POMK: variants seen among roughly 807,000 people sequenced by gnomAD.
POMK encodes the protein protein O-mannose kinase, also known as Sugen kinase 196.
Under a neutral mutation model 23.0 loss-of-function variants are expected in POMK, and 19 were observed. That is an observed-to-expected ratio of 0.83 (90% CI 0.58 to 1.21). The LOEUF (loss-of-function observed/expected upper bound fraction) is 1.21. POMK is among the 50% of genes most tolerant of loss of function. POMK has a pLI of 0.00. For synonymous variants in POMK, 173 were observed against 171.6 expected, an observed-to-expected ratio of 1.01 and a Z score of -0.06; for missense variants, 410 against 431.3, an observed-to-expected ratio of 0.95 and a Z score of 0.44.
chr8:43,112,190 A>G (rs1169218044), intron 4 of POMK, among the ~76,000 whole-genome samples: 2 of 152,212 alleles, frequency 1.3e-5, no homozygotes, highest in African/African-American at 4.8e-5. Context: ...ACGAATGGCT[A>G]ACTAGAATAA....
At chr8:43,116,758 CT>C (rs1811806923) in intron 4 of POMK, among the ~76,000 whole-genome samples, 2 of 152,182 alleles carry the variant, frequency 1.3e-5, no homozygotes, top group African/African-American at 4.8e-5. Context: ...GTTAACTGTA[CT>C]TTATATAAGT....
rs370821504 is a variant in POMK, at chr8:43,123,057, A to AT, written c.*193dup. The stretch of plus-strand genomic sequence containing the variant: ...GTATGTAGTCCACATTGGTTGTTAG[A>AT]TTTTTTTTTTTTTCTTTGAGATGCG... On this transcript the variant is annotated 3_prime_UTR_variant, in exon 5 of 5. Coordinates refer to ENST00000331373, the MANE Select transcript of POMK (RefSeq NM_032237.5). The AT allele has an allele frequency of 0.095, 42,262 of 442,700 alleles. No homozygotes were observed. Among genetic ancestry groups the AT allele is most frequent in the South Asian group, 0.13 (4,137 of 30,748 alleles). 27.4% of individuals were successfully genotyped at this position (442,700 alleles called of 1,614,324 possible). A position where few individuals can be genotyped will look rare whatever the true frequency, so the allele number is the denominator to read the frequency against.
intron 2 of POMK, among the ~76,000 whole-genome samples, chr8:43,098,738 A>G (rs1375050497): frequency 6.6e-6 from 1 of 152,072 alleles, no homozygotes; most frequent in African/African-American, 2.4e-5. Context: ...ATGTTTGAGG[A>G]TTTCAGTTTT....
chr8:43,094,144 A>C (rs1223692851), intron 1 of POMK, among the ~76,000 whole-genome samples: 1 of 152,066 alleles, frequency 6.6e-6, no homozygotes, highest in South Asian at 2.1e-4. Flanking sequence ...CCCAGGCTGG[A>C]GTGTAGTGGC....
intron 1 of POMK, among the ~76,000 whole-genome samples, chr8:43,094,307 G>A (rs977481766): frequency 5.9e-5 from 9 of 151,298 alleles, no homozygotes; most frequent in African/African-American, 2.2e-4. Flanking sequence ...AAAGTGCTGG[G>A]ATTACAGGCG....
intron 4 of POMK, among the ~76,000 whole-genome samples, chr8:43,106,326 T>C (rs774161140): frequency 4.6e-5 from 7 of 152,104 alleles, no homozygotes; most frequent in Non-Finnish European, 8.8e-5. Flanking sequence ...CATTTGCCCA[T>C]TTTTTGATCA....
intron 2 of POMK, among the ~76,000 whole-genome samples, chr8:43,099,257 C>G (rs958067878): frequency 2.6e-5 from 4 of 152,192 alleles, no homozygotes; most frequent in African/African-American, 7.2e-5. Context: ...TGACCCTTTG[C>G]ACATTTTTAA....
In POMK at chr8:43,101,435, AAAGG is replaced by A. The variant is rs1357919107; in HGVS notation, c.-117-1066_-117-1063del. On this transcript the variant is annotated intron_variant, in intron 2 of 4. Transcript: ENST00000331373. ...CCTATGTCAAAAAAAAAAAAAAAAA[AAAGG>A]AAGAAAATCATAGAATTTTGGAGAT... 1.1e-4 allele frequency among the ~76,000 whole-genome samples: 17 copies of A among 151,498 alleles called. No homozygotes were observed. The East Asian group carries it at 1.4e-3, about 12-fold the overall frequency.
chr8:43,106,753 C>G (rs1811552367), intron 4 of POMK, among the ~76,000 whole-genome samples: 1 of 152,188 alleles, frequency 6.6e-6, no homozygotes, highest in African/African-American at 2.4e-5. Flanking sequence ...CCCTCCTCGA[C>G]CTCCCAAAAT....
At chr8:43,108,940 G>T (rs926161583) in intron 4 of POMK, among the ~76,000 whole-genome samples, 1 of 152,212 alleles carries the variant, frequency 6.6e-6, no homozygotes, top group African/African-American at 2.4e-5. Flanking sequence ...TATCAGAATT[G>T]TAGGAATTTT....
intron 4 of POMK, among the ~76,000 whole-genome samples, chr8:43,113,906 C>T (rs1323412215): frequency 6.6e-6 from 1 of 152,362 alleles, no homozygotes; most frequent in South Asian, 2.1e-4. Flanking sequence ...GTACCAGCAG[C>T]GGTGGCTGCA....
In POMK at chr8:43,103,711, T is replaced by C; in HGVS notation, c.163T>C (p.Cys55Arg). The C allele has an allele frequency of 6.2e-7, 1 of 1,614,162 alleles. No homozygotes were observed. The change falls in exon 4 of 5, where the codon TGT (cysteine) becomes CGT (arginine). Residue 55 changes from cysteine to arginine, a missense_variant. Physicochemically the swap from Cys to Arg is radical, Grantham distance 180 (BLOSUM62 -3). Coordinates refer to ENST00000331373, the MANE Select transcript of POMK (RefSeq NM_032237.5). ...ACAATCCACTGTGGACCCCACACAC[T>C]GTCCCTATGGTCACTTCAGGATAGG... The part of the protein sequence containing the change: ...PRQSTVDPTH[C>R]PYGHFRIGQM...
At chr8:43,106,147 C>T (rs1050534926) in intron 4 of POMK, among the ~76,000 whole-genome samples, 1 of 152,170 alleles carries the variant, frequency 6.6e-6, no homozygotes, top group African/African-American at 2.4e-5. Context: ...TGCATCTTCA[C>T]CAGCATTTGT....
At chr8:43,095,277 A>G (rs1039539988) in intron 1 of POMK, among the ~76,000 whole-genome samples, 1 of 152,244 alleles carries the variant, frequency 6.6e-6, no homozygotes, top group Admixed American at 6.5e-5. Context: ...GGGAATAACA[A>G]CAATTACATC....
rs759489953 is a variant in POMK, at chr8:43,122,346, G to A, written c.522G>A (p.Thr174=). 1.2e-5 allele frequency: 19 copies of A among 1,614,096 alleles called. No individual in the cohort carries two copies. The highest frequency in any genetic ancestry group is 1.5e-5 in the Non-Finnish European group (18 of 1,180,058). ...TTTCAAAGTACCAAAATGTGAACACGTGGCAGCACAGGCTGGAGCTGGCCA... is the reference window on the plus strand; with the variant it reads ...TTTCAAAGTACCAAAATGTGAACACATGGCAGCACAGGCTGGAGCTGGCCA... ...LNLSKYQNVN[T]WQHRLELAMD... Residue 174 remains threonine, a synonymous_variant, in exon 5 of 5, where the codon ACG becomes ACA. Transcript: ENST00000331373.
Position 43,122,674 on chromosome 8 carries a change from A to G in POMK, c.850A>G (p.Lys284Glu), listed in dbSNP as rs746065285. Reference protein sequence around the residue: ...PSYDEKIDIWKIPDISSFLLG... With the variant: ...PSYDEKIDIWEIPDISSFLLG... ...ATATGATGAGAAGATTGACATTTGG[A>G]AGATCCCAGACATCTCCAGTTTCCT... The change falls in exon 5 of 5, where the codon AAG (lysine) becomes GAG (glutamate). Residue 284 changes from lysine (K) to glutamate (E), a missense_variant. Transcript: ENST00000331373. The G allele has an allele frequency of 6.2e-7, 1 of 1,614,192 alleles. No homozygotes were observed. The highest frequency in any genetic ancestry group is 1.7e-5 in the Admixed American group (1 of 60,028).
At position 43,103,684 on chromosome 8, in the gene POMK, C is replaced by T. The variant is rs202036744; in HGVS notation, c.136C>T (p.Arg46Ter). 115 of 1,614,044 alleles carry T rather than the reference C, an allele frequency of 7.1e-5. No individual in the cohort carries two copies. The highest frequency in any genetic ancestry group is 6.7e-5 in the East Asian group (3 of 44,864). The change falls in exon 4 of 5, where the codon CGA (arginine) becomes TGA (stop). Residue 46 changes from arginine (R) to a stop codon, truncating the protein, a stop_gained. Coordinates refer to ENST00000331373, the MANE Select transcript of POMK (RefSeq NM_032237.5). LOFTEE classifies it high-confidence loss of function. ...LCLDHFFIAP[R>*]QSTVDPTHCP... The stretch of plus-strand genomic sequence containing the variant: ...CCTCGACCACTTCTTCATCGCTCCT[C>T]GACAATCCACTGTGGACCCCACACA...
At chr8:43,101,827 C>T (rs1811450800) in intron 2 of POMK, among the ~76,000 whole-genome samples, 1 of 152,186 alleles carries the variant, frequency 6.6e-6, no homozygotes. Flanking sequence ...GGGTTTTTGA[C>T]ACTTTATGGC....
chr8:43,112,261 G>A (rs181043355), intron 4 of POMK, among the ~76,000 whole-genome samples: 8 of 152,294 alleles, frequency 5.3e-5, no homozygotes, highest in African/African-American at 1.7e-4. Flanking sequence ...CAAGAACTAC[G>A]TGACAAATGC....
Sources: gnomAD v4.1 joint callset for allele counts (sites outside exome capture counted in the v4.1 genomes callset) on GRCh38, gnomAD v4.1.1 for gene constraint, MANE v1.5 for transcripts, NCBI Gene and HGNC (gene_info 2026-07-23, HGNC 2026-07-21) for gene names.